Variants in ATXN7L1 observed in about 807,000 individuals in gnomAD.
ATXN7L1 encodes the protein ataxin-7-like protein 1.
In ATXN7L1, 15 loss-of-function variants were observed where a neutral mutation model predicts 70.8. That is an observed-to-expected ratio of 0.21 (90% CI 0.14 to 0.33). ATXN7L1 has a LOEUF of 0.33. ATXN7L1 is among the 10% of genes least tolerant of loss of function. ATXN7L1 has a pLI of 1.00. For missense variants in ATXN7L1, 975 were observed against 1,097.1 expected (o/e 0.89, Z 1.57); for synonymous variants, 440 against 445.1 (o/e 0.99, Z 0.14).
chr7:105,709,013 G>A (rs1389035886), intron 3 of ATXN7L1, among the ~76,000 whole-genome samples: 2 of 152,196 alleles, frequency 1.3e-5, no homozygotes, highest in Non-Finnish European at 1.5e-5. Context: ...GTAGGTCAAT[G>A]TATTTTAATC....
chr7:105,709,529 C>A (rs189910365), intron 3 of ATXN7L1, among the ~76,000 whole-genome samples: 1 of 152,056 alleles, frequency 6.6e-6, no homozygotes, highest in South Asian at 2.1e-4. Context: ...CTGGCTCTTA[C>A]AATCCAGACC....
At chr7:105,837,821 G>A (rs148094487) in intron 2 of ATXN7L1, among the ~76,000 whole-genome samples, 1 of 152,128 alleles carries the variant, frequency 6.6e-6, no homozygotes, top group African/African-American at 2.4e-5. Context: ...TGCCAACAGC[G>A]GAGGCCTCCG....
chr7:105,628,620 T>G (rs1002274838), intron 7 of ATXN7L1, among the ~76,000 whole-genome samples: 2 of 151,272 alleles, frequency 1.3e-5, no homozygotes, highest in Non-Finnish European at 2.9e-5. Flanking sequence ...AAACCCCGTC[T>G]CTACTAAAAA....
intron 2 of ATXN7L1, among the ~76,000 whole-genome samples, chr7:105,818,472 T>C (rs17152179): frequency 0.065 from 9,834 of 152,266 alleles, 493 homozygotes; most frequent in East Asian, 0.22. Context: ...TCTTTTGAAA[T>C]AGATTTAGAA....
rs3823748 is a variant in ATXN7L1, at chr7:105,607,562, C to A, written c.*290G>T. 262 of 474,232 alleles carry A rather than the reference C, an allele frequency of 5.5e-4. 1 individual carries two copies. In the East Asian group the frequency reaches 9.0e-3, roughly 16 times the overall value. The allele number at this position is 474,232 out of a possible 1,614,324, so 29.4% of individuals were successfully genotyped here. On this transcript the variant is annotated 3_prime_UTR_variant, in exon 12 of 12. Transcript: ENST00000419735. The stretch of plus-strand genomic sequence containing the variant: ...GATGGTACAGTAGCAGCATCAGGAG[C>A]TAGGGGAGTGACCCCAAATTTGGAA...
intron 2 of ATXN7L1, among the ~76,000 whole-genome samples, chr7:105,803,540 C>T (rs796829728): frequency 3.9e-5 from 6 of 152,304 alleles, no homozygotes; most frequent in African/African-American, 1.4e-4. Flanking sequence ...CCCTAGAACA[C>T]CTTCCACCTT....
intron 2 of ATXN7L1, among the ~76,000 whole-genome samples, chr7:105,874,642 T>A (rs1327559025): frequency 6.6e-6 from 1 of 152,248 alleles, no homozygotes; most frequent in Non-Finnish European, 1.5e-5. Flanking sequence ...CTTGAATATG[T>A]ACGCATTTTA....
At chr7:105,634,919 GAAA>G (rs113359621) in intron 7 of ATXN7L1, among the ~76,000 whole-genome samples, 1 of 140,610 alleles carries the variant, frequency 7.1e-6, no homozygotes, top group Non-Finnish European at 1.6e-5. Context: ...GTCTCTACAG[GAAA>G]AAAAAAAAAA....
intron 2 of ATXN7L1, among the ~76,000 whole-genome samples, chr7:105,838,942 T>A (rs1206451257): frequency 6.6e-6 from 1 of 152,160 alleles, no homozygotes; most frequent in East Asian, 1.9e-4. Context: ...AGCAAAGGAA[T>A]CCATTCCTTC....
intron 2 of ATXN7L1, among the ~76,000 whole-genome samples, chr7:105,851,609 T>A (rs778674653): frequency 1.3e-5 from 2 of 152,218 alleles, no homozygotes; most frequent in Admixed American, 6.5e-5. Flanking sequence ...GCAGCAAGCT[T>A]ATTCCTCACG....
intron 3 of ATXN7L1, among the ~76,000 whole-genome samples, chr7:105,745,690 C>T (rs1272336551): frequency 6.6e-6 from 1 of 152,192 alleles, no homozygotes; most frequent in Non-Finnish European, 1.5e-5. Context: ...ATCCCCTTGG[C>T]CTTTGGGACG....
chr7:105,842,636 C>T (rs1438268801), intron 2 of ATXN7L1, among the ~76,000 whole-genome samples: 1 of 152,054 alleles, frequency 6.6e-6, no homozygotes, highest in East Asian at 1.9e-4. Context: ...GTATTTCTAC[C>T]TTTGGGCTAT....
chr7:105,757,566 C>T (rs1323446207), intron 3 of ATXN7L1, among the ~76,000 whole-genome samples: 2 of 117,520 alleles, frequency 1.7e-5, no homozygotes, highest in Non-Finnish European at 3.6e-5. Context: ...CCATCCTAGT[C>T]TACCTTTCTG....
At chr7:105,819,693 C>A in intron 2 of ATXN7L1, 1 of 924,036 alleles carries the variant, frequency 1.1e-6, no homozygotes, top group Non-Finnish European at 1.8e-6. Flanking sequence ...CAACCCTTCC[C>A]GAGGCCCCTA....
intron 10 of ATXN7L1, 54 bp from the exon 11 acceptor site, chr7:105,610,657 C>A (rs1584275400): frequency 7.0e-7 from 1 of 1,435,310 alleles, no homozygotes; most frequent in Non-Finnish European, 9.6e-7. Context: ...CTGGGAAGGG[C>A]CCGCCGATGC....
intron 3 of ATXN7L1, among the ~76,000 whole-genome samples, chr7:105,783,851 G>GTGGGTAACC (rs1297736661): frequency 6.6e-6 from 1 of 152,240 alleles, no homozygotes; most frequent in South Asian, 2.1e-4. Flanking sequence ...AGACAGAAAT[G>GTGGGTAACC]TGGGTAACCT....
At chr7:105,808,321 A>G (rs1035438899) in intron 2 of ATXN7L1, among the ~76,000 whole-genome samples, 22 of 152,184 alleles carry the variant, frequency 1.4e-4, no homozygotes, top group African/African-American at 5.1e-4. Flanking sequence ...CATTTCATCA[A>G]AGGGTGCTGG....
chr7:105,781,245 A>ACC (rs11404911), intron 3 of ATXN7L1, among the ~76,000 whole-genome samples: 2 of 151,936 alleles, frequency 1.3e-5, no homozygotes, highest in East Asian at 1.9e-4. Context: ...GAAGATAAGG[A>ACC]CCCCCCAAAA....
intron 3 of ATXN7L1, among the ~76,000 whole-genome samples, chr7:105,763,201 C>T (rs1471075824): frequency 1.3e-5 from 2 of 152,226 alleles, no homozygotes; most frequent in African/African-American, 4.8e-5. Flanking sequence ...GTAAGGCTCT[C>T]GTCTTCTCCT....
Sources: allele counts gnomAD v4.1 joint callset (sites outside exome capture counted in the v4.1 genomes callset), GRCh38; gene constraint gnomAD v4.1.1; transcripts MANE v1.5; gene names NCBI Gene and HGNC (gene_info 2026-07-23, HGNC 2026-07-21).